The following THUMPD2 variants were observed in gnomAD, a reference collection of about 807,000 sequenced individuals.
The protein encoded by THUMPD2 is U6 snRNA (guanine-N(2))-methyltransferase THUMPD2.
In THUMPD2, 56 loss-of-function variants were observed where a neutral mutation model predicts 49.4. The observed-to-expected ratio is 1.13, with a 90% CI of 0.91 to 1.41. THUMPD2 has a LOEUF of 1.41. THUMPD2 is among the 40% of genes most tolerant of loss of function. The pLI is 0.00. For missense variants in THUMPD2, 709 were observed against 594.5 expected, an observed-to-expected ratio of 1.19 and a Z score of -2.00; for synonymous variants, 237 against 205.2, an observed-to-expected ratio of 1.15 and a Z score of -1.32.
intron 6 of THUMPD2, among the ~76,000 whole-genome samples, chr2:39,756,827 T>G (rs1266066366): frequency 1.3e-5 from 2 of 152,092 alleles, no homozygotes; most frequent in African/African-American, 4.8e-5. Flanking sequence ...AAACTGTTCT[T>G]TCTTAGTTAA....
chr2:39,769,131 C>A, intron 3 of THUMPD2: 3 of 1,286,126 alleles, frequency 2.3e-6, no homozygotes, highest in Non-Finnish European at 3.1e-6. Context: ...CAAAGCTGAA[C>A]TGAAGAGAAA....
rs141370494 is a variant in THUMPD2, at chr2:39,779,069, G to C, written c.126+45C>G. On this transcript the variant is annotated intron_variant, in intron 1 of 9. Coordinates refer to ENST00000505747, the MANE Select transcript of THUMPD2 (RefSeq NM_025264.5). ...CGACTGGGGTGGGCAACAGGGCAGG[G>C]ACAGGGCCGCCCACCTCCCCAGGCG... is the stretch of plus-strand genomic sequence containing the variant. 9,379 of 1,474,234 alleles carry C rather than the reference G, an allele frequency of 6.4e-3. 70 individuals carry two copies. Among genetic ancestry groups the C allele is most frequent in the South Asian group, 0.025 (1,927 of 75,982 alleles). The allele number at this position is 1,474,234 out of a possible 1,614,324, so 91.3% of individuals were successfully genotyped here. A position where few individuals can be genotyped will look rare whatever the true frequency, so the allele number is the denominator to read the frequency against.
intron 9 of THUMPD2, among the ~76,000 whole-genome samples, chr2:39,743,717 T>C (rs550508695): frequency 6.6e-6 from 1 of 152,342 alleles, no homozygotes; most frequent in African/African-American, 2.4e-5. Context: ...CCTTCTGCCA[T>C]GACTAGAAGC....
At chr2:39,764,679 G>C (rs371694406) in intron 5 of THUMPD2, among the ~76,000 whole-genome samples, 1 of 152,142 alleles carries the variant, frequency 6.6e-6, no homozygotes, top group African/African-American at 2.4e-5. Context: ...GTTATCCACT[G>C]TCACTTCTCT....
chr2:39,765,438 G>A (rs1341447691), intron 5 of THUMPD2, among the ~76,000 whole-genome samples: 2 of 152,020 alleles, frequency 1.3e-5, no homozygotes, highest in Admixed American at 6.6e-5. Context: ...GATTACAGGT[G>A]TGAGCCACCG....
At chr2:39,757,363 T>C (rs542814885) in intron 6 of THUMPD2, 12 of 1,300,412 alleles carry the variant, frequency 9.2e-6, no homozygotes, top group South Asian at 8.6e-5. Flanking sequence ...CAGAGCCATA[T>C]GGTACCTAAT....
chr2:39,744,668 T>C, intron 8 of THUMPD2, 190 bp from the exon 9 acceptor site: 2 of 402,280 alleles, frequency 5.0e-6, no homozygotes, highest in Middle Eastern at 6.5e-4. Flanking sequence ...TGATAGTTAT[T>C]GTATTCTGTT....
At chr2:39,762,751 G>T (rs1434743834) in intron 5 of THUMPD2, among the ~76,000 whole-genome samples, 2 of 149,396 alleles carry the variant, frequency 1.3e-5, no homozygotes, top group Non-Finnish European at 3.0e-5. Flanking sequence ...CATTCTAGAT[G>T]CCAAAACTAT....
chr2:39,738,342 C>A (rs953026402), intron 9 of THUMPD2, among the ~76,000 whole-genome samples: 30 of 152,126 alleles, frequency 2.0e-4, no homozygotes, highest in East Asian at 1.4e-3. Flanking sequence ...GTGGGAGGAT[C>A]GCTTGAGCAC....
chr2:39,745,078 G>A (rs1446368974), intron 8 of THUMPD2, among the ~76,000 whole-genome samples: 2 of 152,080 alleles, frequency 1.3e-5, no homozygotes, highest in Non-Finnish European at 2.9e-5. Context: ...TACGTTATCA[G>A]AAAGTAACAC....
intron 1 of THUMPD2, among the ~76,000 whole-genome samples, chr2:39,775,124 A>G (rs1026244196): frequency 1.3e-4 from 20 of 152,072 alleles, no homozygotes; most frequent in African/African-American, 4.8e-4. Context: ...TACAAAAAGT[A>G]AATGAGCTGG....
Position 39,766,058 on chromosome 2 carries a change from T to C in THUMPD2, c.802A>G (p.Arg268Gly), listed in dbSNP as rs201162909. 6.0e-5 allele frequency: 95 copies of C among 1,580,934 alleles called. No homozygotes were observed. Among genetic ancestry groups the C allele is most frequent in the Admixed American group, 3.3e-4 (17 of 51,894 alleles). Reference sequence around the variant, plus strand: ...AAACCGGAAGCTTAGAATATCTACCTGAACACAGGAATCCCCACCACAGAG... The same window carrying C: ...AAACCGGAAGCTTAGAATATCTACCCGAACACAGGAATCCCCACCACAGAG... ...IYSVVGIPVF[R>G]VSLASRAYIK... The change falls in exon 5 of 10, where the codon AGG becomes GGG. Residue 268 changes from arginine (R) to glycine (G), a missense_variant and splice_region_variant. Coordinates refer to ENST00000505747, the MANE Select transcript of THUMPD2 (RefSeq NM_025264.5).
chr2:39,742,968 A>G (rs1002696785), intron 9 of THUMPD2, among the ~76,000 whole-genome samples: 1 of 152,286 alleles, frequency 6.6e-6, no homozygotes, highest in Non-Finnish European at 1.5e-5. Context: ...GTCTCAGGTA[A>G]TATTTCAAGA....
At chr2:39,738,244 C>G (rs1673396885) in intron 9 of THUMPD2, among the ~76,000 whole-genome samples, 1 of 152,112 alleles carries the variant, frequency 6.6e-6, no homozygotes, top group Non-Finnish European at 1.5e-5. Flanking sequence ...AGTACAGTTT[C>G]AAGAAAGAAA....
chr2:39,764,945 G>A (rs531525634), intron 5 of THUMPD2, among the ~76,000 whole-genome samples: 4 of 151,884 alleles, frequency 2.6e-5, no homozygotes, highest in Non-Finnish European at 2.9e-5. Context: ...GAAATGCCAT[G>A]GCATGACGTC....
chr2:39,762,377 T>C (rs1046908104), intron 5 of THUMPD2, among the ~76,000 whole-genome samples: 1 of 152,184 alleles, frequency 6.6e-6, no homozygotes, highest in Non-Finnish European at 1.5e-5. Context: ...TTGCCTCTCA[T>C]CTTTCTTTGA....
At chr2:39,747,661 CTTT>C (rs1054653779) in intron 8 of THUMPD2, among the ~76,000 whole-genome samples, 3 of 151,792 alleles carry the variant, frequency 2.0e-5, no homozygotes, top group Non-Finnish European at 2.9e-5. Flanking sequence ...TAATAAAAGA[CTTT>C]TTTTTGAGAA....
intron 8 of THUMPD2, 26 bp downstream of exon 8, chr2:39,755,269 A>C: frequency 7.4e-7 from 1 of 1,352,198 alleles, no homozygotes. Flanking sequence ...CCTTTTCTCA[A>C]TTGTTTTGCA....
intron 5 of THUMPD2, among the ~76,000 whole-genome samples, chr2:39,762,966 C>T (rs1291748898): frequency 6.6e-6 from 1 of 151,904 alleles, no homozygotes; most frequent in Non-Finnish European, 1.5e-5. Flanking sequence ...TGAATGTTCA[C>T]ATTTTGCTTA....
Sources: gnomAD v4.1 joint callset for allele counts (sites outside exome capture counted in the v4.1 genomes callset) on GRCh38, gnomAD v4.1.1 for gene constraint, MANE v1.5 for transcripts, NCBI Gene and HGNC (gene_info 2026-07-23, HGNC 2026-07-21) for gene names.